Variants in SURF1 observed in about 807,000 individuals in gnomAD.
SURF1 encodes surfeit locus protein 1.
Under a neutral mutation model 34.1 loss-of-function variants are expected in SURF1, and 45 were observed. The ratio of observed to expected loss-of-function variants is 1.32; its 90% CI spans 1.04 to 1.69. The LOEUF is 1.69. SURF1 is among the 40% of genes most tolerant of loss of function. SURF1 has a pLI of 0.00. For synonymous variants in SURF1, 188 were observed against 147.5 expected, an observed-to-expected ratio of 1.27 and a Z score of -1.99; for missense variants, 456 against 384.6, an observed-to-expected ratio of 1.19 and a Z score of -1.55.
rs2130004056 is a variant in SURF1, at chr9:133,352,063, G to A, written c.831C>T (p.Thr277=). The change falls in exon 8 of 9, where the codon ACC becomes ACT. Residue 277 remains threonine, a splice_region_variant and synonymous_variant. Transcript: ENST00000371974. ...LRNEHLQYIV[T]WYGLSAATSY... is the part of the protein sequence containing the mutation. ...CCAGAGGGCCGCTGGGGACTCACCA[G>A]GTCACGATGTACTGCAGATGCTCGT... is the stretch of plus-strand genomic sequence containing the variant. The A allele has an allele frequency of 6.2e-6, 10 of 1,611,904 alleles. No individual in the cohort carries two copies. The African/African-American group carries it at 1.2e-4, about 19-fold the overall frequency.
At chr9:133,356,371 G>GCACCCCC in intron 1 of SURF1, 29 bp downstream of exon 1, 3 of 1,219,780 alleles carry the variant, frequency 2.5e-6, no homozygotes, top group Non-Finnish European at 2.2e-6. Flanking sequence ...CCCGCGCCCC[G>GCACCCCC]CACCCCGCAC....
rs2130004547 is a variant in SURF1, at chr9:133,352,096, A to G, written c.798T>C (p.Thr266=). Residue 266 remains threonine (T), a synonymous_variant, in exon 8 of 9, where the codon ACT becomes ACC. Transcript: ENST00000371974. ...TGTACTGCAGATGCTCGTTCCTCAGAGTAACTCTGGTTTGCCCTCCAATGG... is the reference window on the plus strand; with the variant it reads ...TGTACTGCAGATGCTCGTTCCTCAGGGTAACTCTGGTTTGCCCTCCAATGG... ...GGPIGGQTRV[T]LRNEHLQYIV... is the part of the protein sequence containing the mutation. 6.2e-7 allele frequency: 1 copy of G among 1,610,240 alleles called. No homozygotes were observed. Among genetic ancestry groups the G allele is most frequent in the Non-Finnish European group, 8.5e-7 (1 of 1,178,210 alleles).
At chr9:133,355,274 A>G (rs2130021126) in intron 2 of SURF1, among the ~76,000 whole-genome samples, 8 of 152,212 alleles carry the variant, frequency 5.3e-5, no homozygotes, top group Non-Finnish European at 1.0e-4. Context: ...TCCATTCAAA[A>G]TGCATTTAAT....
rs1450474463 is a variant in SURF1 at position 133,356,482 on chromosome 9, A to T, written c.-29T>A. On this transcript the variant is annotated 5_prime_UTR_variant, in exon 1 of 9. Transcript: ENST00000371974. ...ACCCGGCCCCGCGGGCGCTTCCGGG[A>T]CGCAGGAAGCATCTGCATCCGGGGC... is the stretch of plus-strand genomic sequence containing the variant. The T allele has an allele frequency of 4.8e-5, 69 of 1,431,394 alleles. No homozygotes were observed. The highest frequency in any genetic ancestry group is 6.1e-5 in the Non-Finnish European group (67 of 1,097,010). 88.7% of individuals were successfully genotyped at this position (1,431,394 alleles called of 1,614,324 possible).
At position 133,354,753 on chromosome 9, in the gene SURF1, G is replaced by C. The variant is rs2130018327; in HGVS notation, c.241-12C>G. On this transcript the variant is annotated splice_polypyrimidine_tract_variant and intron_variant, in intron 3 of 8. Coordinates refer to ENST00000371974, the MANE Select transcript of SURF1 (RefSeq NM_003172.4). ...TTCCGACGCTGGACCTACAGTGACAGAGCATAAGGCCAAGCAGATGGCAGC... is the reference window on the plus strand; with the variant it reads ...TTCCGACGCTGGACCTACAGTGACACAGCATAAGGCCAAGCAGATGGCAGC... 1 of 1,613,712 alleles carries C rather than the reference G, an allele frequency of 6.2e-7. No individual in the cohort carries two copies. Among genetic ancestry groups the C allele is most frequent in the Admixed American group, 1.7e-5 (1 of 60,022 alleles).
chr9:133,355,442 C>G (rs1836548373), intron 2 of SURF1, among the ~76,000 whole-genome samples: 1 of 152,052 alleles, frequency 6.6e-6, no homozygotes, highest in South Asian at 2.1e-4. Context: ...TAGCTGAGCA[C>G]GATGGTGCTT....
Position 133,356,277 on chromosome 9 carries a change from G to A in SURF1, c.98C>T (p.Pro33Leu), listed in dbSNP as rs1836580224. 8.5e-6 allele frequency: 13 copies of A among 1,532,586 alleles called. No homozygotes were observed. The highest frequency in any genetic ancestry group is 1.4e-5 in the African/African-American group (1 of 72,726). The allele number at this position is 1,532,586 out of a possible 1,614,324, so 94.9% of individuals were successfully genotyped here. A position where few individuals can be genotyped will look rare whatever the true frequency, so the allele number is the denominator to read the frequency against. Residue 33 changes from proline (P) to leucine (L), a missense_variant, in exon 2 of 9, where the codon CCG becomes CTG. Coordinates refer to ENST00000371974, the MANE Select transcript of SURF1 (RefSeq NM_003172.4). ...AAWRSVLRVS[P>L]RPGVAWRPSR... is the part of the protein sequence containing the mutation. ...CGGCCTGCAGCCCTCACCTGGGCGC[G>A]GGGAGACCCTGAGGACGCTCCTCCA... is the stretch of plus-strand genomic sequence containing the variant.
chr9:133,354,774 G>A (rs1441875407), intron 3 of SURF1, 33 bp from the exon 4 acceptor site: 1 of 1,613,760 alleles, frequency 6.2e-7, no homozygotes, highest in East Asian at 2.2e-5. Context: ...CAAGCAGATG[G>A]CAGCAAGGTC....
Position 133,352,109 on chromosome 9 carries a change from TGCCCTCCAATGG to T in SURF1, c.773_784del (p.Pro258_Gly261del), listed in dbSNP as rs1333638410. 8 of 1,608,324 alleles carry T rather than the reference TGCCCTCCAATGG, an allele frequency of 5.0e-6. No homozygotes were observed. Among genetic ancestry groups the T allele is most frequent in the Non-Finnish European group, 5.9e-6 (7 of 1,177,318 alleles). On this transcript the variant is annotated inframe_deletion, in exon 8 of 9. Transcript: ENST00000371974. ...CTCGTTCCTCAGAGTAACTCTGGTT[TGCCCTCCAATGG>T]GTCCTCCAGGGACTGTGCTCTCTGT...
chr9:133,355,873 A>C (rs1391517313), intron 2 of SURF1, among the ~76,000 whole-genome samples: 1 of 151,170 alleles, frequency 6.6e-6, no homozygotes, highest in Admixed American at 6.6e-5. Context: ...AGCACTCTAC[A>C]CACGGCAAAA....
rs2130004223 is a variant in SURF1, at chr9:133,352,073, T to C, written c.821A>G (p.Tyr274Cys). The C allele has an allele frequency of 3.7e-6, 6 of 1,611,604 alleles. No homozygotes were observed. The highest frequency in any genetic ancestry group is 4.2e-6 in the Non-Finnish European group (5 of 1,178,948). Residue 274 changes from tyrosine to cysteine, a missense_variant, in exon 8 of 9, where the codon TAC (tyrosine) becomes TGC (cysteine). Coordinates refer to ENST00000371974, the MANE Select transcript of SURF1 (RefSeq NM_003172.4). The part of the protein sequence containing the change: ...RVTLRNEHLQ[Y>C]IVTWYGLSAA... The stretch of plus-strand genomic sequence containing the variant: ...GCTGGGGACTCACCAGGTCACGATG[T>C]ACTGCAGATGCTCGTTCCTCAGAGT...
intron 5 of SURF1, among the ~76,000 whole-genome samples, chr9:133,353,543 A>G (rs2130013564): frequency 3.5e-4 from 54 of 152,212 alleles, no homozygotes; most frequent in Non-Finnish European, 6.9e-4. Flanking sequence ...ACATACAGAA[A>G]TTATCCAGTC....
chr9:133,356,461 G>A lies in SURF1; in HGVS notation c.-8C>T, dbSNP rs1324032019. ...CGCAGCCACCGCCGCCATCGCACCCGGCCCCGCGGGCGCTTCCGGGACGCA... is the reference window on the plus strand; with the variant it reads ...CGCAGCCACCGCCGCCATCGCACCCAGCCCCGCGGGCGCTTCCGGGACGCA... On this transcript the variant is annotated 5_prime_UTR_variant, in exon 1 of 9. Coordinates refer to ENST00000371974, the MANE Select transcript of SURF1 (RefSeq NM_003172.4). 7.7e-6 allele frequency: 11 copies of A among 1,422,578 alleles called. No homozygotes were observed. Among genetic ancestry groups the A allele is most frequent in the Admixed American group, 5.5e-5 (2 of 36,408 alleles). 88.1% of individuals were successfully genotyped at this position (1,422,578 alleles called of 1,614,324 possible).
Position 133,356,285 on chromosome 9 carries a change from C to A in SURF1, c.90G>T (p.Arg30Ser). The A allele has an allele frequency of 6.5e-7, 1 of 1,530,910 alleles. No individual in the cohort carries two copies. 94.8% of individuals were successfully genotyped at this position (1,530,910 alleles called of 1,614,324 possible). A position where few individuals can be genotyped will look rare whatever the true frequency, so the allele number is the denominator to read the frequency against. The change falls in exon 2 of 9, where the codon AGG becomes AGT. Residue 30 changes from arginine (R) to serine (S), a missense_variant. By Grantham distance (110) the Arg-to-Ser change is moderately radical (BLOSUM62 -1). Transcript: ENST00000371974. The stretch of plus-strand genomic sequence containing the variant: ...AGCCCTCACCTGGGCGCGGGGAGAC[C>A]CTGAGGACGCTCCTCCAGGCGGCGC... Reference protein sequence around the residue: ...PASAAWRSVLRVSPRPGVAWR... With the variant: ...PASAAWRSVLSVSPRPGVAWR...
At chr9:133,355,991 T>C (rs1451437589) in intron 2 of SURF1, 23 of 555,880 alleles carry the variant, frequency 4.1e-5, no homozygotes, top group African/African-American at 7.7e-5. Flanking sequence ...ATTAGCTGGA[T>C]GGGACGTTCG....
chr9:133,352,468 G>A lies in SURF1; in HGVS notation c.729C>T (p.Pro243=), dbSNP rs1836451398. The part of the protein sequence containing the change: ...EAMARITGAE[P]IFIDANFQST... ...TACGGAAGTTGGCATCAATGAAGATGGGCTCTGCGCCTGTGATTCTGGCCA... is the reference window on the plus strand; with the variant it reads ...TACGGAAGTTGGCATCAATGAAGATAGGCTCTGCGCCTGTGATTCTGGCCA... The change falls in exon 7 of 9, where the codon CCC becomes CCT. Residue 243 remains proline (P), a synonymous_variant. Transcript: ENST00000371974. The A allele has an allele frequency of 1.2e-6, 2 of 1,614,078 alleles. No homozygotes were observed. The highest frequency in any genetic ancestry group is 1.1e-5 in the South Asian group (1 of 91,088).
chr9:133,353,043 G>A (rs1048230970), intron 5 of SURF1, among the ~76,000 whole-genome samples: 1 of 152,110 alleles, frequency 6.6e-6, no homozygotes, highest in Admixed American at 6.5e-5. Flanking sequence ...CTACTACAAC[G>A]TGCAACTGGT....
In SURF1 at chr9:133,353,732, C is replaced by G. The variant is rs1248226135; in HGVS notation, c.515+17G>C. 1.9e-6 allele frequency: 3 copies of G among 1,613,438 alleles called. No homozygotes were observed. In the Admixed American group the frequency reaches 5.0e-5, roughly 27 times the overall value. ...CTGCCTCTGCCAGGACAGCCAGCTC[C>G]CACATGTCCTACTCACCCCAGGTCG... On this transcript the variant is annotated intron_variant, in intron 5 of 8. Coordinates refer to ENST00000371974, the MANE Select transcript of SURF1 (RefSeq NM_003172.4).
chr9:133,352,625 G>A lies in SURF1; in HGVS notation c.589-17C>T, dbSNP rs1225753096. On this transcript the variant is annotated splice_polypyrimidine_tract_variant and intron_variant, in intron 6 of 8. Coordinates refer to ENST00000371974, the MANE Select transcript of SURF1 (RefSeq NM_003172.4). The stretch of plus-strand genomic sequence containing the variant: ...TCCCTCAATCTATAAAGGAAGGTGT[G>A]TGAGATTGCATGGAGCCTGGTGGAC... 2.5e-6 allele frequency: 4 copies of A among 1,614,138 alleles called. No homozygotes were observed. The highest frequency in any genetic ancestry group is 1.1e-5 in the South Asian group (1 of 91,062).
Sources: gnomAD v4.1 joint callset for allele counts (sites outside exome capture counted in the v4.1 genomes callset) on GRCh38, gnomAD v4.1.1 for gene constraint, MANE v1.5 for transcripts, NCBI Gene and HGNC (gene_info 2026-07-23, HGNC 2026-07-21) for gene names.